Variants in NFKB1 observed in about 807,000 individuals in gnomAD.
NFKB1 encodes the protein nuclear factor NF-kappa-B p105 subunit.
A neutral mutation model predicts 105.1 loss-of-function variants in NFKB1; 9 were observed. That is an observed-to-expected ratio of 0.09 (90% CI 0.05 to 0.15). The LOEUF is 0.15. NFKB1 is among the 10% of genes least tolerant of loss of function. The probability of loss-of-function intolerance (pLI) is 1.00; values close to 1 mark genes in which losing one functional copy is unlikely to be tolerated. For missense variants in NFKB1, 830 were observed against 1,203.7 expected, an observed-to-expected ratio of 0.69 and a Z score of 4.59; for synonymous variants, 440 against 442.2, an observed-to-expected ratio of 1.00 and a Z score of 0.06.
chr4:102,566,647 G>A (rs552084057), intron 5 of NFKB1, among the ~76,000 whole-genome samples: 7 of 152,290 alleles, frequency 4.6e-5, no homozygotes, highest in South Asian at 2.1e-4. Flanking sequence ...AGGATGCAGA[G>A]GAAGGCATGT....
chr4:102,541,313 A>G (rs1316591193), intron 5 of NFKB1, among the ~76,000 whole-genome samples: 1 of 111,826 alleles, frequency 8.9e-6, no homozygotes, highest in African/African-American at 4.1e-5. Flanking sequence ...GTTGTCTCGC[A>G]TAGATTACGT....
chr4:102,597,533 A>G lies in NFKB1; in HGVS notation c.1509A>G (p.Leu503=). 3.1e-6 allele frequency: 5 copies of G among 1,611,884 alleles called. No homozygotes were observed. Among genetic ancestry groups the G allele is most frequent in the South Asian group, 1.1e-5 (1 of 90,460 alleles). ...ATTGCCTTACAGATAACCTCTTTCT[A>G]GAGAAGGCTATGCAGCTTGCAAAGA... ...ESAGVQDNLF[L]EKAMQLAKRH... is the part of the protein sequence containing the mutation. Residue 503 remains leucine, a synonymous_variant, in exon 15 of 24, where the codon CTA becomes CTG. Coordinates refer to ENST00000226574, the MANE Select transcript of NFKB1 (RefSeq NM_003998.4).
chr4:102,567,320 G>C (rs1459619152), intron 6 of NFKB1, among the ~76,000 whole-genome samples, 185 bp downstream of exon 6: 1 of 152,138 alleles, frequency 6.6e-6, no homozygotes, highest in Non-Finnish European at 1.5e-5. Flanking sequence ...GTCTGGATTT[G>C]CTTGAGACAG....
In NFKB1 at chr4:102,567,061, C is replaced by A. The variant is rs1403039527; in HGVS notation, c.333C>A (p.Ala111=). Residue 111 remains alanine, a synonymous_variant, in exon 6 of 24, where the codon GCC becomes GCA. Coordinates refer to ENST00000226574, the MANE Select transcript of NFKB1 (RefSeq NM_003998.4). ...ATGGAAAAAATATCCACCTGCATGC[C>A]CACAGCCTGGTGGGAAAACACTGTG... is the stretch of plus-strand genomic sequence containing the variant. The part of the protein sequence containing the change: ...VTNGKNIHLH[A]HSLVGKHCED... The A allele has an allele frequency of 6.2e-7, 1 of 1,613,760 alleles. No individual in the cohort carries two copies. Among genetic ancestry groups the A allele is most frequent in the Non-Finnish European group, 8.5e-7 (1 of 1,179,888 alleles).
chr4:102,535,611 A>C (rs1263897942), intron 4 of NFKB1, among the ~76,000 whole-genome samples: 2 of 152,170 alleles, frequency 1.3e-5, no homozygotes, highest in Non-Finnish European at 2.9e-5. Context: ...ATGTGGATTA[A>C]AGGCAAAATT....
intron 11 of NFKB1, among the ~76,000 whole-genome samples, chr4:102,591,635 T>A (rs922475472): frequency 9.2e-5 from 14 of 152,008 alleles, no homozygotes; most frequent in Non-Finnish European, 1.8e-4. Flanking sequence ...TTAAACCCAC[T>A]GTTGAGACCT....
chr4:102,513,937 T>G (rs113335125), intron 1 of NFKB1, among the ~76,000 whole-genome samples: 8 of 151,314 alleles, frequency 5.3e-5, no homozygotes, highest in South Asian at 4.2e-4. Flanking sequence ...ACTTTGGGAG[T>G]CCGAGGCAGG....
intron 10 of NFKB1, 78 bp from the exon 11 acceptor site, chr4:102,584,602 ATG>A: frequency 7.4e-7 from 1 of 1,348,132 alleles, no homozygotes; most frequent in South Asian, 1.6e-5. Flanking sequence ...AGCATAAGGA[ATG>A]TGTTTAATGA....
chr4:102,539,236 C>CAAAAAAAAAAA (rs550342036), intron 5 of NFKB1, among the ~76,000 whole-genome samples: 2 of 95,636 alleles, frequency 2.1e-5, no homozygotes, highest in African/African-American at 3.8e-5. Context: ...GACTCTGTCT[C>CAAAAAAAAAAA]AAAAAAAAAA....
intron 4 of NFKB1, among the ~76,000 whole-genome samples, chr4:102,536,091 A>C (rs1474607443): frequency 6.6e-6 from 1 of 152,156 alleles, no homozygotes; most frequent in Non-Finnish European, 1.5e-5. Flanking sequence ...TTAGCAGTCA[A>C]GTAAATCTCT....
intron 1 of NFKB1, 96 bp from the exon 2 acceptor site, chr4:102,525,416 A>G: frequency 8.6e-7 from 1 of 1,160,752 alleles, no homozygotes; most frequent in Non-Finnish European, 1.3e-6. Context: ...TCTTACTGGT[A>G]TAATACAGTT....
chr4:102,572,827 T>C (rs1242082037), intron 6 of NFKB1, among the ~76,000 whole-genome samples: 1 of 152,246 alleles, frequency 6.6e-6, no homozygotes, highest in Non-Finnish European at 1.5e-5. Flanking sequence ...CACGTATTTA[T>C]CATTTGCAGT....
chr4:102,502,388 G>GCACACA (rs1302710749), intron 1 of NFKB1, among the ~76,000 whole-genome samples: 22 of 96,814 alleles, frequency 2.3e-4, no homozygotes, highest in African/African-American at 1.4e-3. Flanking sequence ...GCGCGCGCGC[G>GCACACA]CGCACACACA....
intron 1 of NFKB1, among the ~76,000 whole-genome samples, chr4:102,519,349 T>C (rs910299866): frequency 6.8e-6 from 1 of 147,814 alleles, no homozygotes; most frequent in Non-Finnish European, 1.5e-5. Flanking sequence ...ATATAAAATA[T>C]ATAGTTTTAA....
chr4:102,589,350 G>T (rs647424), intron 11 of NFKB1, among the ~76,000 whole-genome samples: 152,315 of 152,316 alleles, frequency 1, 76,157 homozygotes, highest in Middle Eastern at 1. Flanking sequence ...AGTTAAGATA[G>T]AACCGATGGG....
chr4:102,591,754 T>C (rs1419980409), intron 11 of NFKB1, among the ~76,000 whole-genome samples: 2 of 152,248 alleles, frequency 1.3e-5, no homozygotes, highest in Non-Finnish European at 2.9e-5. Context: ...TCATGGCTAC[T>C]AACAGCCATT....
chr4:102,546,098 A>AT (rs1722120031), intron 5 of NFKB1, among the ~76,000 whole-genome samples: 1 of 152,230 alleles, frequency 6.6e-6, no homozygotes, highest in South Asian at 2.1e-4. Context: ...TATAAAAAAA[A>AT]TTTTTTAAAG....
chr4:102,586,314 G>T (rs1725709184), intron 11 of NFKB1, among the ~76,000 whole-genome samples: 1 of 152,116 alleles, frequency 6.6e-6, no homozygotes, highest in Admixed American at 6.6e-5. Context: ...CTTGTGATGT[G>T]GTTGACTTGA....
chr4:102,528,257 T>G (rs1323246472), intron 2 of NFKB1, among the ~76,000 whole-genome samples: 1 of 152,148 alleles, frequency 6.6e-6, no homozygotes, highest in African/African-American at 2.4e-5. Flanking sequence ...GCTCTGAGAC[T>G]GTTAAAATCC....
Sources: gnomAD v4.1 joint callset for allele counts (sites outside exome capture counted in the v4.1 genomes callset) on GRCh38, gnomAD v4.1.1 for gene constraint, MANE v1.5 for transcripts, NCBI Gene and HGNC (gene_info 2026-07-23, HGNC 2026-07-21) for gene names.